The following PADI4 variants were observed in gnomAD, a reference collection of about 807,000 sequenced individuals.
PADI4 encodes the protein protein-arginine deiminase type-4.
PADI4 carries 62 observed loss-of-function variants against 75.0 expected under a neutral mutation model. The ratio of observed to expected loss-of-function variants is 0.83; its 90% CI spans 0.67 to 1.02. The LOEUF is 1.02. PADI4 is among the 50% of genes least tolerant of loss of function. PADI4 has a pLI of 0.00. For missense variants in PADI4, 845 were observed against 850.5 expected (o/e 0.99, Z 0.08); for synonymous variants, 361 against 348.1 (o/e 1.04, Z -0.41).
In PADI4 at chr1:17,351,952, T is replaced by C. The variant is rs1391700210; in HGVS notation, c.1156-2581T>C. Among the ~76,000 whole-genome samples the C allele has an allele frequency of 3.9e-3, 415 of 105,766 alleles. 3 individuals carry two copies. Among genetic ancestry groups the C allele is most frequent in the African/African-American group, 0.015 (388 of 26,534 alleles). The allele number at this position is 105,766 out of a possible 152,430, so 69.4% of individuals were successfully genotyped here. A position where few individuals can be genotyped will look rare whatever the true frequency, so the allele number is the denominator to read the frequency against. On this transcript the variant is annotated intron_variant, in intron 10 of 15. Transcript: ENST00000375448. ...AGGCGGTCAGGGAGGTGATGGGAGGTGGGAGGAGAGGCGGCCAGGGAGGTG... is the reference window on the plus strand; with the variant it reads ...AGGCGGTCAGGGAGGTGATGGGAGGCGGGAGGAGAGGCGGCCAGGGAGGTG...
chr1:17,329,727 T>C (rs1200255203), intron 1 of PADI4, among the ~76,000 whole-genome samples: 2 of 152,164 alleles, frequency 1.3e-5, no homozygotes, highest in African/African-American at 4.8e-5. Flanking sequence ...TATAAAGAGA[T>C]GACACAACTG....
chr1:17,348,369 C>T (rs577114675), intron 10 of PADI4, among the ~76,000 whole-genome samples: 13 of 152,238 alleles, frequency 8.5e-5, no homozygotes, highest in East Asian at 5.8e-4. Flanking sequence ...GAGGTGGGGC[C>T]GGGGCTGGAA....
chr1:17,333,899 G>A, intron 2 of PADI4, 44 bp from the exon 3 acceptor site: 1 of 1,476,264 alleles, frequency 6.8e-7, no homozygotes, highest in Non-Finnish European at 9.5e-7. Flanking sequence ...GTGGGTGTTT[G>A]TTGAATGACT....
intron 1 of PADI4, among the ~76,000 whole-genome samples, chr1:17,309,172 GA>G (rs35072789): frequency 1.5e-3 from 212 of 143,736 alleles, no homozygotes; most frequent in African/African-American, 4.7e-3. Context: ...ATTTTCCCTG[GA>G]AAAAAAAAAA....
At chr1:17,353,966 G>T (rs751319550) in intron 10 of PADI4, among the ~76,000 whole-genome samples, 7 of 152,114 alleles carry the variant, frequency 4.6e-5, no homozygotes, top group Admixed American at 1.3e-4. Context: ...GTGGCTGGGC[G>T]TGGGGGCTCA....
At chr1:17,341,260 G>A (rs2074413907) in intron 6 of PADI4, among the ~76,000 whole-genome samples, 1 of 151,924 alleles carries the variant, frequency 6.6e-6, no homozygotes, top group African/African-American at 2.4e-5. Context: ...CACAATGCCT[G>A]GCTAATTTTT....
intron 11 of PADI4, among the ~76,000 whole-genome samples, chr1:17,355,291 C>T (rs1022510902): frequency 6.6e-6 from 1 of 152,216 alleles, no homozygotes. Flanking sequence ...GTGGCTCACA[C>T]CTGTAATCCC....
intron 1 of PADI4, among the ~76,000 whole-genome samples, chr1:17,330,154 C>T (rs1346398630): frequency 6.6e-6 from 1 of 152,096 alleles, no homozygotes; most frequent in African/African-American, 2.4e-5. Context: ...TGTGTGGGAG[C>T]CTTTAGTGTG....
rs753541184 is a variant in PADI4 at position 17,331,153 on chromosome 1, AG to A, written c.273+5del. 10 of 1,608,314 alleles carry A rather than the reference AG, an allele frequency of 6.2e-6. No individual in the cohort carries two copies. The highest frequency in any genetic ancestry group is 1.1e-5 in the South Asian group (1 of 90,060). On this transcript the variant is annotated splice_donor_5th_base_variant and intron_variant, in intron 2 of 15. Coordinates refer to ENST00000375448, the MANE Select transcript of PADI4 (RefSeq NM_012387.3). ...TGGTAGCACAGGCGACCAGAAGGTG[AG>A]TGTCATAGCTGTGGGGTGGCAGTGT...
chr1:17,324,584 G>T (rs571810762), intron 1 of PADI4, among the ~76,000 whole-genome samples: 3 of 152,174 alleles, frequency 2.0e-5, no homozygotes, highest in African/African-American at 7.2e-5. Context: ...TTCCCACCTT[G>T]GCCTCCCAAA....
intron 2 of PADI4, among the ~76,000 whole-genome samples, chr1:17,332,650 C>G (rs1452014154): frequency 6.6e-6 from 1 of 152,178 alleles, no homozygotes; most frequent in African/African-American, 2.4e-5. Flanking sequence ...TTGGGGACCA[C>G]CATTCCACCT....
chr1:17,337,930 A>C, intron 4 of PADI4, 108 bp from the exon 5 acceptor site: 2 of 472,920 alleles, frequency 4.2e-6, no homozygotes, highest in South Asian at 6.9e-5. Context: ...ATAATAAATA[A>C]ATAAATAAAT....
chr1:17,320,100 C>T (rs532375455), intron 1 of PADI4, among the ~76,000 whole-genome samples: 14 of 152,308 alleles, frequency 9.2e-5, no homozygotes, highest in South Asian at 6.2e-4. Flanking sequence ...ATCAAGGTGT[C>T]GGCAAGGCTG....
intron 1 of PADI4, among the ~76,000 whole-genome samples, chr1:17,326,871 T>C (rs776668081): frequency 6.6e-6 from 1 of 151,448 alleles, no homozygotes; most frequent in Non-Finnish European, 1.5e-5. Context: ...CTTTTCCCTA[T>C]GAATGTATTT....
At chr1:17,322,994 G>T (rs10888019) in intron 1 of PADI4, among the ~76,000 whole-genome samples, 1 of 151,986 alleles carries the variant, frequency 6.6e-6, no homozygotes, top group Non-Finnish European at 1.5e-5. Flanking sequence ...GGTTTAGCTG[G>T]GTTCTCTACT....
chr1:17,341,968 C>A lies in PADI4; in HGVS notation c.678C>A (p.Ser226Arg), dbSNP rs145309015. 1.2e-6 allele frequency: 2 copies of A among 1,613,932 alleles called. No homozygotes were observed. The highest frequency in any genetic ancestry group is 2.2e-5 in the South Asian group (2 of 91,080). The change falls in exon 7 of 16, where the codon AGC (serine) becomes AGA (arginine). Residue 226 changes from serine to arginine, a missense_variant. Physicochemically the swap from Ser to Arg is moderately radical, Grantham distance 110. Transcript: ENST00000375448. ...ATRGKLSSKC[S>R]VVLGPKWPSH... ...GGGGCAAACTGTCCTCCAAGTGCAG[C>A]GTAGTCTTGGGTCCCAAGTGGCCCT...
rs554962472 is a variant in PADI4 at position 17,333,786 on chromosome 1, C to T, written c.274-157C>T. Among the ~76,000 whole-genome samples the T allele has an allele frequency of 2.7e-3, 411 of 152,222 alleles. 1 individual carries two copies. Among genetic ancestry groups the T allele is most frequent in the Non-Finnish European group, 4.4e-3 (301 of 68,020 alleles). ...TCATTCAAGCTTTTTGCTTTCCCTC[C>T]ATTCCCATCGGATGGGGCCACTCCT... is the stretch of plus-strand genomic sequence containing the variant. On this transcript the variant is annotated intron_variant, in intron 2 of 15. Coordinates refer to ENST00000375448, the MANE Select transcript of PADI4 (RefSeq NM_012387.3).
rs757743872 is a variant in PADI4 at position 17,363,524 on chromosome 1, G to T, written c.1761G>T (p.Val587=). 6.2e-7 allele frequency: 1 copy of T among 1,610,180 alleles called. No homozygotes were observed. Among genetic ancestry groups the T allele is most frequent in the South Asian group, 1.1e-5 (1 of 90,804 alleles). The stretch of plus-strand genomic sequence containing the variant: ...CCTGAACCCTCACTTCCCTGCAGGT[G>T]AACATGCTGGTGCTAGGGAAGCACC... ...SKAEAFFPNM[V]NMLVLGKHLG... Residue 587 remains valine, a splice_region_variant and synonymous_variant, in exon 16 of 16, where the codon GTG becomes GTT. Transcript: ENST00000375448.
chr1:17,310,269 C>T (rs2073796326), intron 1 of PADI4, among the ~76,000 whole-genome samples: 1 of 152,194 alleles, frequency 6.6e-6, no homozygotes, highest in South Asian at 2.1e-4. Flanking sequence ...CCACCTCAAG[C>T]CACACAGCTA....
Sources: allele counts gnomAD v4.1 joint callset (sites outside exome capture counted in the v4.1 genomes callset), GRCh38; gene constraint gnomAD v4.1.1; transcripts MANE v1.5; gene names NCBI Gene and HGNC (gene_info 2026-07-23, HGNC 2026-07-21).